Variants in GPR158 observed in about 807,000 individuals in gnomAD.
GPR158 encodes G protein-coupled receptor 158, also known as metabotropic glycine receptor.
Under a neutral mutation model 78.2 loss-of-function variants are expected in GPR158, and 30 were observed. That is an observed-to-expected ratio of 0.38 (90% CI 0.29 to 0.52). GPR158 has a LOEUF of 0.52. GPR158 is among the 20% of genes least tolerant of loss of function. The pLI, the probability that GPR158 is intolerant of heterozygous loss-of-function variation, is 0.83. For missense variants in GPR158, 1,463 were observed against 1,523.5 expected, an observed-to-expected ratio of 0.96 and a Z score of 0.66; for synonymous variants, 581 against 591.1, an observed-to-expected ratio of 0.98 and a Z score of 0.25.
intron 5 of GPR158, among the ~76,000 whole-genome samples, chr10:25,470,677 G>A (rs1835487863): frequency 6.6e-6 from 1 of 151,980 alleles, no homozygotes; most frequent in Non-Finnish European, 1.5e-5. Context: ...GTTTATTGTT[G>A]GTACACTTCC....
At chr10:25,356,885 A>G (rs1299019903) in intron 2 of GPR158, among the ~76,000 whole-genome samples, 1 of 152,060 alleles carries the variant, frequency 6.6e-6, no homozygotes, top group East Asian at 1.9e-4. Context: ...CAGAGTTTGG[A>G]TCAGTTTGGA....
Position 25,392,751 on chromosome 10 carries a change from C to T in GPR158, c.1009-3160C>T, listed in dbSNP as rs189734147. Among the ~76,000 whole-genome samples the T allele has an allele frequency of 6.7e-3, 1,013 of 151,770 alleles. 13 individuals are homozygous for T. The highest frequency in any genetic ancestry group is 9.6e-3 in the Non-Finnish European group (654 of 67,954). On this transcript the variant is annotated intron_variant, in intron 2 of 10. Coordinates refer to ENST00000376351, the MANE Select transcript of GPR158 (RefSeq NM_020752.3). ...TTAGGAGGTAACAGAGATGAAGTAG[C>T]GAGGGAATCATGGTGGTGGGTACAG...
At chr10:25,582,115 G>A (rs554285485) in intron 7 of GPR158, among the ~76,000 whole-genome samples, 1 of 152,208 alleles carries the variant, frequency 6.6e-6, no homozygotes, top group Admixed American at 6.5e-5. Flanking sequence ...ATGGTGGGGT[G>A]GGGGGTCTCT....
chr10:25,592,011 T>TAA lies in GPR158; in HGVS notation c.1893-2279_1893-2278dup, dbSNP rs1837347384. Among the ~76,000 whole-genome samples, 3 of 152,010 alleles carry TAA rather than the reference T, an allele frequency of 2.0e-5. No individual in the cohort carries two copies. The South Asian group carries it at 6.2e-4, about 32-fold the overall frequency. On this transcript the variant is annotated intron_variant, in intron 8 of 10. Coordinates refer to ENST00000376351, the MANE Select transcript of GPR158 (RefSeq NM_020752.3). ...ATACATGTGATGGTTCAAATATTTA[T>TAA]AAAGTCCAAGAATAAGAAGCAATAA...
intron 2 of GPR158, among the ~76,000 whole-genome samples, chr10:25,376,120 C>A (rs1274926134): frequency 6.6e-6 from 1 of 151,340 alleles, no homozygotes; most frequent in Non-Finnish European, 1.5e-5. Context: ...CTAAGTATTT[C>A]ATTTTCTTTT....
intron 5 of GPR158, among the ~76,000 whole-genome samples, chr10:25,514,418 G>A (rs146532591): frequency 6.6e-5 from 10 of 152,056 alleles, no homozygotes; most frequent in East Asian, 1.9e-4. Flanking sequence ...GGTGAGTCTC[G>A]TGAGTCTCTT....
chr10:25,197,476 A>C (rs183457195), intron 1 of GPR158, among the ~76,000 whole-genome samples: 1 of 152,342 alleles, frequency 6.6e-6, no homozygotes, highest in Admixed American at 6.5e-5. Context: ...TTTGACTTTA[A>C]GATCCGTATG....
At chr10:25,378,657 G>A (rs1834117294) in intron 2 of GPR158, among the ~76,000 whole-genome samples, 1 of 151,644 alleles carries the variant, frequency 6.6e-6, no homozygotes, top group African/African-American at 2.4e-5. Flanking sequence ...AATACTTTTA[G>A]TAGTTATTCT....
intron 2 of GPR158, among the ~76,000 whole-genome samples, chr10:25,263,076 T>A (rs1853990944): frequency 6.6e-6 from 1 of 152,214 alleles, no homozygotes; most frequent in Non-Finnish European, 1.5e-5. Context: ...ATCAACTATT[T>A]CTTCCATGGA....
At chr10:25,477,106 C>CT (rs34943277) in intron 5 of GPR158, among the ~76,000 whole-genome samples, 1 of 151,872 alleles carries the variant, frequency 6.6e-6, no homozygotes, top group Non-Finnish European at 1.5e-5. Context: ...AAACTTAAGA[C>CT]TTTTTTTTAA....
At chr10:25,298,731 A>C (rs773167781) in intron 2 of GPR158, among the ~76,000 whole-genome samples, 1 of 152,162 alleles carries the variant, frequency 6.6e-6, no homozygotes, top group East Asian at 1.9e-4. Context: ...TATCTTATTT[A>C]AAAATTATTT....
At chr10:25,269,370 A>G (rs770069820) in intron 2 of GPR158, among the ~76,000 whole-genome samples, 5 of 152,212 alleles carry the variant, frequency 3.3e-5, no homozygotes, top group South Asian at 2.1e-4. Flanking sequence ...TGTTTTTATC[A>G]TAATGGAAAC....
chr10:25,482,391 C>T (rs1835674049), intron 5 of GPR158, among the ~76,000 whole-genome samples: 1 of 152,076 alleles, frequency 6.6e-6, no homozygotes, highest in Admixed American at 6.6e-5. Flanking sequence ...CTGTATTGGC[C>T]AGGCTGGTCT....
At chr10:25,415,531 T>A (rs531652148) in intron 4 of GPR158, among the ~76,000 whole-genome samples, 3 of 152,052 alleles carry the variant, frequency 2.0e-5, no homozygotes, top group Non-Finnish European at 4.4e-5. Flanking sequence ...AATTGGACAC[T>A]CTCATTCATT....
At chr10:25,506,754 G>A (rs976708008) in intron 5 of GPR158, among the ~76,000 whole-genome samples, 1 of 152,232 alleles carries the variant, frequency 6.6e-6, no homozygotes, top group African/African-American at 2.4e-5. Flanking sequence ...GCAGTACTCT[G>A]ATGATAGTAT....
Position 25,175,381 on chromosome 10 carries a change from C to T in GPR158, c.-40C>T, listed in dbSNP as rs746839641. ...GACGATCCAAATTTAAAAAGTGATT[C>T]CCCCCCCTCCCGTTCCCTCCTCTTC... On this transcript the variant is annotated 5_prime_UTR_variant, in exon 1 of 11. Coordinates refer to ENST00000376351, the MANE Select transcript of GPR158 (RefSeq NM_020752.3). The surrounding 1 kb of genome is among the most constrained non-coding windows in gnomAD (Gnocchi z 6.4). The T allele has an allele frequency of 3.0e-6, 3 of 998,520 alleles. No individual in the cohort carries two copies. The highest frequency in any genetic ancestry group is 6.2e-4 in the Middle Eastern group (2 of 3,226). The allele number at this position is 998,520 out of a possible 1,614,324, so 61.9% of individuals were successfully genotyped here.
At chr10:25,382,445 A>C (rs566182100) in intron 2 of GPR158, among the ~76,000 whole-genome samples, 1 of 152,234 alleles carries the variant, frequency 6.6e-6, no homozygotes, top group East Asian at 1.9e-4. Context: ...AATTTTAACG[A>C]TGTCATAAAA....
At chr10:25,457,140 CTTTTTTT>C (rs11384299) in intron 4 of GPR158, among the ~76,000 whole-genome samples, 1 of 59,400 alleles carries the variant, frequency 1.7e-5, no homozygotes, top group African/African-American at 6.8e-5. Flanking sequence ...CCATGCCCAC[CTTTTTTT>C]TTTTTTTTTT....
intron 2 of GPR158, among the ~76,000 whole-genome samples, chr10:25,228,205 T>A (rs1853400238): frequency 6.6e-6 from 1 of 152,112 alleles, no homozygotes; most frequent in African/African-American, 2.4e-5. Flanking sequence ...AGCCCAGAAG[T>A]TCGAGGCTGC....
Sources: gnomAD v4.1 joint callset for allele counts (sites outside exome capture counted in the v4.1 genomes callset) on GRCh38, gnomAD v4.1.1 for gene constraint, Gnocchi (gnomAD v3.1) non-coding constraint, MANE v1.5 for transcripts, NCBI Gene and HGNC (gene_info 2026-07-23, HGNC 2026-07-21) for gene names.